Variants in TJP2 observed in about 807,000 individuals in gnomAD.
TJP2 encodes tight junction protein 2.
In TJP2, 91 loss-of-function variants were observed where a neutral mutation model predicts 133.1. The observed-to-expected ratio is 0.68, with a 90% CI of 0.58 to 0.81. The LOEUF (loss-of-function observed/expected upper bound fraction) is 0.81, where lower values mean the gene tolerates loss of function less well. Among genes scored for constraint, TJP2 ranks in the 40% least tolerant of loss-of-function variants. The pLI is 0.00. For synonymous variants in TJP2, 592 were observed against 583.4 expected, an observed-to-expected ratio of 1.01 and a Z score of -0.21; for missense variants, 1,541 against 1,565.6, an observed-to-expected ratio of 0.98 and a Z score of 0.26.
rs1296621921 is a variant in TJP2, at chr9:69,137,324, CTTTTCTTTTT to C, written c.-130-14322_-130-14313del. Among the ~76,000 whole-genome samples the C allele has an allele frequency of 9.2e-3, 679 of 73,580 alleles. 12 individuals are homozygous for C. The highest frequency in any genetic ancestry group is 0.032 in the African/African-American group (621 of 19,586). 48.3% of individuals were successfully genotyped at this position (73,580 alleles called of 152,430 possible). A position where few individuals can be genotyped will look rare whatever the true frequency, so the allele number is the denominator to read the frequency against. ...CTTTTCTTTTCTTTTCTTTTCTTTTCTTTTCTTTTTTTTTTTTGAGACAGGGTTTTGCTTT... is the reference window on the plus strand; with the variant it reads ...CTTTTCTTTTCTTTTCTTTTCTTTTCTTTTTTTGAGACAGGGTTTTGCTTT... On this transcript the variant is annotated intron_variant, in intron 1 of 5. Transcript: ENST00000423935.
At chr9:69,229,931 G>A (rs1330980217) in intron 10 of TJP2, 151 bp from the exon 11 acceptor site, 7 of 945,086 alleles carry the variant, frequency 7.4e-6, no homozygotes, top group Non-Finnish European at 1.2e-5. Context: ...AAAATTGTAG[G>A]ATATATGAGA....
chr9:69,198,249 C>T (rs1263430009), intron 1 of TJP2, among the ~76,000 whole-genome samples: 1 of 148,254 alleles, frequency 6.7e-6, no homozygotes, highest in Non-Finnish European at 1.5e-5. Flanking sequence ...TCAAGCGATT[C>T]TCTTGCCTCA....
Position 69,228,041 on chromosome 9 carries a change from G to A in TJP2, c.1380G>A (p.Lys460=), listed in dbSNP as rs1215394685. 1 of 1,614,072 alleles carries A rather than the reference G, an allele frequency of 6.2e-7. No individual in the cohort carries two copies. The change falls in exon 9 of 23, where the codon AAG becomes AAA. Residue 460 remains lysine, a synonymous_variant. Transcript: ENST00000377245. ...SRMGATPTPF[K]STGDIAGTVV... ...TGGGTGCGACACCCACTCCCTTTAA[G>A]TCCACAGGGGATATTGCAGGCACAG...
chr9:69,159,912 T>A (rs1285163692), intron 2 of TJP2, among the ~76,000 whole-genome samples: 1 of 150,372 alleles, frequency 6.7e-6, no homozygotes, highest in African/African-American at 2.4e-5. Context: ...TATATATGTG[T>A]GTGTGTGTGT....
Position 69,254,264 on chromosome 9 carries a change from G to C in TJP2, c.3463G>C (p.Gly1155Arg), listed in dbSNP as rs200425899. 8 of 1,614,150 alleles carry C rather than the reference G, an allele frequency of 5.0e-6. 1 individual carries two copies. In the African/African-American group the frequency reaches 6.7e-5, roughly 13 times the overall value. Residue 1155 changes from glycine to arginine, a missense_variant, in exon 23 of 23, where the codon GGA becomes CGA. Gly to Arg is a moderately radical substitution (Grantham distance 125, BLOSUM62 -2). Transcript: ENST00000377245. ...TTCCAGACCTTATCAGGATACCAGA[G>C]GAAGTTATGGCAGTGATGCCGAGGA... ...APSRPYQDTRGSYGSDAEEEE... is the reference protein window; with the variant it reads ...APSRPYQDTRRSYGSDAEEEE...
chr9:69,236,133 A>AG lies in TJP2; in HGVS notation c.1888dup (p.Val630GlyfsTer10). On this transcript the variant is annotated frameshift_variant, in exon 13 of 23. Coordinates refer to ENST00000377245, the MANE Select transcript of TJP2 (RefSeq NM_004817.4). LOFTEE classifies it high-confidence loss of function. Reference sequence around the variant, plus strand: ...CAGAGCCTGGCCTTCACCAGAGGGGAGGTCTTCCGAGTGGTAGACACACTG... The same window carrying AG: ...CAGAGCCTGGCCTTCACCAGAGGGGAGGGTCTTCCGAGTGGTAGACACACTG... 1 of 1,614,164 alleles carries AG rather than the reference A, an allele frequency of 6.2e-7. No individual in the cohort carries two copies. Among genetic ancestry groups the AG allele is most frequent in the Non-Finnish European group, 8.5e-7 (1 of 1,180,018 alleles).
At chr9:69,237,780 G>A (rs72709085) in intron 14 of TJP2, 98 bp from the exon 15 acceptor site, 68 of 869,962 alleles carry the variant, frequency 7.8e-5, no homozygotes, top group Middle Eastern at 4.4e-4. Flanking sequence ...AGTTTCTTTC[G>A]TTTAGTTATG....
intron 1 of TJP2, among the ~76,000 whole-genome samples, chr9:69,145,379 G>A (rs1423858782): frequency 6.6e-6 from 1 of 152,216 alleles, no homozygotes; most frequent in African/African-American, 2.4e-5. Context: ...TGAAGGATTA[G>A]CGGCCTCAAA....
At chr9:69,151,856 A>G in intron 2 of TJP2, 1 of 1,206,578 alleles carries the variant, frequency 8.3e-7, no homozygotes, top group Non-Finnish European at 1.0e-6. Flanking sequence ...CACATTCTAG[A>G]GGTAGTCAGA....
intron 1 of TJP2, among the ~76,000 whole-genome samples, chr9:69,130,982 G>A (rs1822471209): frequency 6.6e-6 from 1 of 152,156 alleles, no homozygotes; most frequent in African/African-American, 2.4e-5. Context: ...TTCAGGAAGG[G>A]CAGCATCCCC....
intron 15 of TJP2, among the ~76,000 whole-genome samples, 200 bp from the exon 16 acceptor site, chr9:69,238,510 A>G (rs1014031408): frequency 6.6e-6 from 1 of 152,166 alleles, no homozygotes; most frequent in African/African-American, 2.4e-5. Context: ...GTTGTCTCCT[A>G]GAATGCTTCC....
At chr9:69,192,656 C>T (rs977295696) in intron 1 of TJP2, among the ~76,000 whole-genome samples, 1 of 152,154 alleles carries the variant, frequency 6.6e-6, no homozygotes, top group Non-Finnish European at 1.5e-5. Context: ...CTGGTGTGTA[C>T]ATCCGTTTCT....
chr9:69,216,522 G>T, intron 3 of TJP2, 59 bp downstream of exon 3: 1 of 1,588,886 alleles, frequency 6.3e-7, no homozygotes, highest in Admixed American at 1.7e-5. Flanking sequence ...CCCTAGACGG[G>T]GTATTTTGGT....
chr9:69,221,108 GCGGGACCTCAGC>G lies in TJP2; in HGVS notation c.572_583del (p.Leu191_Asp194del), dbSNP rs1828795021. On this transcript the variant is annotated inframe_deletion, in exon 5 of 23. Transcript: ENST00000377245. ...CCCATGAGCGGGCCCGGAGCCGGGA[GCGGGACCTCAGC>G]CGGGACCGGAGCCGTGGCCGGAGCC... 6.3e-7 allele frequency: 1 copy of G among 1,584,906 alleles called. No individual in the cohort carries two copies. Among genetic ancestry groups the G allele is most frequent in the Non-Finnish European group, 8.6e-7 (1 of 1,166,162 alleles).
At chr9:69,204,242 TG>T (rs1305430167) in intron 1 of TJP2, among the ~76,000 whole-genome samples, 2 of 152,210 alleles carry the variant, frequency 1.3e-5, no homozygotes, top group East Asian at 3.9e-4. Flanking sequence ...GGCCATCTCA[TG>T]GTCCAGATTT....
chr9:69,232,886 G>A lies in TJP2; in HGVS notation c.1672-1553G>A, dbSNP rs188724393. Among the ~76,000 whole-genome samples the A allele has an allele frequency of 1.3e-4, 20 of 152,220 alleles. No homozygotes were observed. The East Asian group carries it at 2.1e-3, about 16-fold the overall frequency. Reference sequence around the variant, plus strand: ...TTGACCATTATAGTTTTTGGCTATCGAAGACTGTGATCGAGACTGATCTAA... The same window carrying A: ...TTGACCATTATAGTTTTTGGCTATCAAAGACTGTGATCGAGACTGATCTAA... On this transcript the variant is annotated intron_variant, in intron 11 of 22. Coordinates refer to ENST00000377245, the MANE Select transcript of TJP2 (RefSeq NM_004817.4).
chr9:69,232,005 G>A (rs552848509), intron 11 of TJP2, among the ~76,000 whole-genome samples: 8 of 152,262 alleles, frequency 5.3e-5, no homozygotes, highest in South Asian at 2.1e-4. Context: ...CTAAATTTCC[G>A]TGAAGAAAAG....
rs1336344480 is a variant in TJP2 at position 69,225,349 on chromosome 9, C to T, written c.998C>T (p.Thr333Ile). 2 of 1,613,772 alleles carry T rather than the reference C, an allele frequency of 1.2e-6. No individual in the cohort carries two copies. Among genetic ancestry groups the T allele is most frequent in the East Asian group, 2.2e-5 (1 of 44,886 alleles). ...LGSQIFVKEM[T>I]RTGLATKDGN... ...AGTCAGATCTTCGTAAAGGAAATGACCCGAACGGGTCTGGCAACTAAAGAT... is the reference window on the plus strand; with the variant it reads ...AGTCAGATCTTCGTAAAGGAAATGATCCGAACGGGTCTGGCAACTAAAGAT... Residue 333 changes from threonine to isoleucine, a missense_variant, in exon 6 of 23, where the codon ACC becomes ATC. Physicochemically the swap from Thr to Ile is moderately conservative, Grantham distance 89. Transcript: ENST00000377245.
chr9:69,220,750 C>T (rs939566956), intron 4 of TJP2, 137 bp from the exon 5 acceptor site: 11 of 798,976 alleles, frequency 1.4e-5, no homozygotes, highest in African/African-American at 1.0e-4. Flanking sequence ...TGTCCGTTTC[C>T]GGATGAGGAA....
Sources: allele counts gnomAD v4.1 joint callset (sites outside exome capture counted in the v4.1 genomes callset), GRCh38; gene constraint gnomAD v4.1.1; transcripts MANE v1.5; gene names NCBI Gene and HGNC (gene_info 2026-07-23, HGNC 2026-07-21).